The following EHMT1 variants were observed in gnomAD, a reference collection of about 807,000 sequenced individuals.
EHMT1 encodes histone-lysine N-methyltransferase EHMT1.
A neutral mutation model predicts 147.2 loss-of-function variants in EHMT1; 15 were observed. The ratio of observed to expected loss-of-function variants is 0.10; its 90% CI spans 0.07 to 0.16. The LOEUF is 0.16. Among genes scored for constraint, EHMT1 ranks in the 10% least tolerant of loss-of-function variants. The pLI, the probability that EHMT1 is intolerant of heterozygous loss-of-function variation, is 1.00. For missense variants in EHMT1, 1,587 were observed against 1,772.4 expected, an observed-to-expected ratio of 0.90 and a Z score of 1.88; for synonymous variants, 795 against 709.6, an observed-to-expected ratio of 1.12 and a Z score of -1.91.
Position 137,776,383 on chromosome 9 carries a change from C to T in EHMT1, c.1792-235C>T, listed in dbSNP as rs1053550333. 1.3e-5 allele frequency among the ~76,000 whole-genome samples: 2 copies of T among 152,060 alleles called. No homozygotes were observed. The highest frequency in any genetic ancestry group is 2.9e-5 in the Non-Finnish European group (2 of 68,008). On this transcript the variant is annotated intron_variant, in intron 11 of 26. Coordinates refer to ENST00000460843, the MANE Select transcript of EHMT1 (RefSeq NM_024757.5). This position sits in a 1 kb window ranked among gnomAD's most constrained non-coding sequence, Gnocchi z 4.4. Reference sequence around the variant, plus strand: ...TTCCTGGGCCTAGGTGGGTTGGAGGCAGCCAAGTGACCTCTGTCTGGCTTC... The same window carrying T: ...TTCCTGGGCCTAGGTGGGTTGGAGGTAGCCAAGTGACCTCTGTCTGGCTTC...
intron 18 of EHMT1, among the ~76,000 whole-genome samples, chr9:137,801,317 T>C (rs1319254188): frequency 6.6e-6 from 1 of 152,138 alleles, no homozygotes; most frequent in Non-Finnish European, 1.5e-5. Context: ...GCTCTCCCTT[T>C]GTTTTTGTTT....
At chr9:137,803,776 A>G (rs1317556068) in intron 18 of EHMT1, among the ~76,000 whole-genome samples, 1 of 151,642 alleles carries the variant, frequency 6.6e-6, no homozygotes, top group Non-Finnish European at 1.5e-5. Context: ...GCTTGAGCCC[A>G]GGAGGTCAAG....
chr9:137,684,838 G>A (rs985458596), intron 1 of EHMT1, among the ~76,000 whole-genome samples: 1 of 152,148 alleles, frequency 6.6e-6, no homozygotes, highest in Non-Finnish European at 1.5e-5. Flanking sequence ...GTCAACGTCA[G>A]GAAGTTTATA....
chr9:137,816,025 A>G lies in EHMT1; in HGVS notation c.3337A>G (p.Arg1113Gly). 6.2e-7 allele frequency: 1 copy of G among 1,613,256 alleles called. No individual in the cohort carries two copies. Residue 1113 changes from arginine (R) to glycine (G), a missense_variant, in exon 23 of 27, where the codon AGG becomes GGG. Arg to Gly is a moderately radical substitution (Grantham distance 125). Around this residue, in one of 7 missense-constraint regions of EHMT1, gnomAD observed 156 missense variants for 252.5 expected, o/e 0.62. Transcript: ENST00000460843. ...FECNHACSCW[R>G]NCRNRVVQNG... Reference sequence around the variant, plus strand: ...ATGCAACCACGCGTGCTCCTGCTGGAGGAACTGCCGAAATCGCGTCGTACA... The same window carrying G: ...ATGCAACCACGCGTGCTCCTGCTGGGGGAACTGCCGAAATCGCGTCGTACA...
At chr9:137,759,439 C>G (rs563383617) in intron 9 of EHMT1, among the ~76,000 whole-genome samples, 2 of 152,246 alleles carry the variant, frequency 1.3e-5, no homozygotes, top group South Asian at 2.1e-4. Flanking sequence ...GGCAGGAGAC[C>G]GGGAGCTGGC....
At chr9:137,703,816 G>A (rs1944032876) in intron 1 of EHMT1, among the ~76,000 whole-genome samples, 1 of 151,878 alleles carries the variant, frequency 6.6e-6, no homozygotes, top group Admixed American at 6.6e-5. Flanking sequence ...ACATTTTCAG[G>A]TATCTTTATA....
At chr9:137,774,773 C>T (rs1950836991) in intron 10 of EHMT1, among the ~76,000 whole-genome samples, 1 of 149,422 alleles carries the variant, frequency 6.7e-6, no homozygotes, top group Non-Finnish European at 1.5e-5. Context: ...GCGTCTGGCC[C>T]CCTGGATCTG....
Position 137,671,159 on chromosome 9 carries a change from C to T in EHMT1, c.22-39808C>T, listed in dbSNP as rs1940577792. Among the ~76,000 whole-genome samples, 4 of 152,316 alleles carry T rather than the reference C, an allele frequency of 2.6e-5. No individual in the cohort carries two copies. The South Asian group carries it at 8.3e-4, about 32-fold the overall frequency. On this transcript the variant is annotated intron_variant, in intron 1 of 26. Transcript: ENST00000460843. ...TTAACTGTTTTCCCGTATAATTATT[C>T]TGTTAACCCTTTTATAGCTAATAAG...
intron 15 of EHMT1, among the ~76,000 whole-genome samples, chr9:137,790,578 G>A (rs1952449698): frequency 6.6e-6 from 1 of 152,068 alleles, no homozygotes; most frequent in South Asian, 2.1e-4. Flanking sequence ...CATTTCTAAA[G>A]GTGTTGTCAC....
At position 137,814,303 on chromosome 9, in the gene EHMT1, C is replaced by CAA. The variant is rs755766438; in HGVS notation, c.3181-127_3181-126insAA. On this transcript the variant is annotated intron_variant, in intron 21 of 26. Transcript: ENST00000460843. ...CCTTCTCCCTAAGAGGCCACACACT[C>CAA]ACGTGGTGCCTTTGAGAAGCACTTA... is the stretch of plus-strand genomic sequence containing the variant. 6.2e-6 allele frequency: 6 copies of CAA among 969,128 alleles called. No individual in the cohort carries two copies. In the Admixed American group the frequency reaches 8.8e-5, roughly 14 times the overall value. The allele number at this position is 969,128 out of a possible 1,614,324, so 60.0% of individuals were successfully genotyped here.
chr9:137,824,478 GT>G (rs1955673740), intron 25 of EHMT1, among the ~76,000 whole-genome samples: 1 of 151,556 alleles, frequency 6.6e-6, no homozygotes, highest in Non-Finnish European at 1.5e-5. Flanking sequence ...TTTCAAAACT[GT>G]TTTGCTCCTC....
chr9:137,823,857 C>T (rs1955631498), intron 25 of EHMT1, among the ~76,000 whole-genome samples: 1 of 152,240 alleles, frequency 6.6e-6, no homozygotes, highest in Non-Finnish European at 1.5e-5. Context: ...TGTGCCTGGC[C>T]AATTTGCCTG....
At chr9:137,621,118 T>C (rs1842920746) in intron 1 of EHMT1, among the ~76,000 whole-genome samples, 1 of 152,228 alleles carries the variant, frequency 6.6e-6, no homozygotes, top group African/African-American at 2.4e-5. Flanking sequence ...ATATCTGTGA[T>C]GGTCATTTTA....
chr9:137,655,867 A>G (rs534760906), intron 1 of EHMT1, among the ~76,000 whole-genome samples: 26 of 152,330 alleles, frequency 1.7e-4, no homozygotes, highest in Admixed American at 8.5e-4. Context: ...ATCGTCTTCC[A>G]TGAAATGAGT....
rs1843348324 is a variant in EHMT1 at position 137,627,604 on chromosome 9, C to T, written c.21+8555C>T. Among the ~76,000 whole-genome samples, 4 of 152,188 alleles carry T rather than the reference C, an allele frequency of 2.6e-5. No individual in the cohort carries two copies. The South Asian group carries it at 6.2e-4, about 24-fold the overall frequency. On this transcript the variant is annotated intron_variant, in intron 1 of 26. Transcript: ENST00000460843. Reference sequence around the variant, plus strand: ...CCTCCCAAAATGCTGGGATGACAGGCGTGAGCCGCCGCGCCCGGCCCTTTT... The same window carrying T: ...CCTCCCAAAATGCTGGGATGACAGGTGTGAGCCGCCGCGCCCGGCCCTTTT...
intron 1 of EHMT1, among the ~76,000 whole-genome samples, chr9:137,660,630 A>T (rs936073703): frequency 6.6e-6 from 1 of 152,266 alleles, no homozygotes; most frequent in Non-Finnish European, 1.5e-5. Context: ...CACTGAATCT[A>T]TGGATCAATT....
chr9:137,684,808 A>G (rs1485274904), intron 1 of EHMT1, among the ~76,000 whole-genome samples: 1 of 152,198 alleles, frequency 6.6e-6, no homozygotes, highest in Non-Finnish European at 1.5e-5. Flanking sequence ...CCATTCTTTT[A>G]CTGAATTATG....
intron 9 of EHMT1, among the ~76,000 whole-genome samples, chr9:137,760,467 A>G (rs1949718304): frequency 6.6e-6 from 1 of 152,124 alleles, no homozygotes; most frequent in Non-Finnish European, 1.5e-5. Context: ...TTTGAATTCA[A>G]GTTTCACTTC....
At chr9:137,690,842 T>G (rs1298486353) in intron 1 of EHMT1, among the ~76,000 whole-genome samples, 1 of 152,236 alleles carries the variant, frequency 6.6e-6, no homozygotes, top group Non-Finnish European at 1.5e-5. Context: ...TTCTTCCACA[T>G]GTACATGTCC....
Sources: allele counts gnomAD v4.1 joint callset (sites outside exome capture counted in the v4.1 genomes callset), GRCh38; gene constraint gnomAD v4.1.1; regional missense constraint gnomAD v4.1.1; non-coding constraint Gnocchi (gnomAD v3.1); transcripts MANE v1.5; gene names NCBI Gene and HGNC (gene_info 2026-07-23, HGNC 2026-07-21).